NRXN3: variants seen among roughly 807,000 people sequenced by gnomAD.
NRXN3 encodes the protein neurexin III.
NRXN3 carries 32 observed loss-of-function variants against 137.6 expected under a neutral mutation model. The ratio of observed to expected loss-of-function variants is 0.23; its 90% CI spans 0.18 to 0.31. The LOEUF (loss-of-function observed/expected upper bound fraction) is 0.31. Ranked by LOEUF, NRXN3 falls within the 10% of genes least tolerant of loss-of-function variation. The pLI is 1.00. For synonymous variants in NRXN3, 798 were observed against 784.5 expected (o/e 1.02, Z -0.29); for missense variants, 1,574 against 2,062.5 (o/e 0.76, Z 4.59).
intron 6 of NRXN3, chr14:78,703,626 A>G (rs1003073265): frequency 2.6e-5 from 4 of 152,172 alleles, no homozygotes; most frequent in African/African-American, 9.7e-5. Context: ...ACAGTTGAAA[A>G]GCTTTATTGA....
chr14:79,518,195 G>A (rs1755368986), intron 16 of NRXN3, among the ~76,000 whole-genome samples: 1 of 151,816 alleles, frequency 6.6e-6, no homozygotes, highest in Admixed American at 6.6e-5. Flanking sequence ...GTGAGCCACG[G>A]CACCCAGCCC....
chr14:79,268,561 C>G (rs1003603793), intron 15 of NRXN3, among the ~76,000 whole-genome samples: 2 of 152,154 alleles, frequency 1.3e-5, no homozygotes, highest in Non-Finnish European at 2.9e-5. Context: ...GGCTCATCAC[C>G]TCATCCACAT....
intron 18 of NRXN3, among the ~76,000 whole-genome samples, chr14:79,695,438 G>C (rs1156995999): frequency 6.6e-6 from 1 of 151,894 alleles, no homozygotes; most frequent in Non-Finnish European, 1.5e-5. Flanking sequence ...CAGCAGTTGT[G>C]TGCATGGAAA....
intron 15 of NRXN3, among the ~76,000 whole-genome samples, chr14:79,101,369 A>G (rs1290617212): frequency 6.6e-6 from 1 of 152,162 alleles, no homozygotes; most frequent in African/African-American, 2.4e-5. Flanking sequence ...CACCTTCTGG[A>G]GTGGCAGGAA....
chr14:79,629,529 G>A (rs2098320427), intron 16 of NRXN3, among the ~76,000 whole-genome samples: 1 of 152,084 alleles, frequency 6.6e-6, no homozygotes, highest in Non-Finnish European at 1.5e-5. Flanking sequence ...ACTTTTCAGG[G>A]TATCTGTGAA....
At chr14:79,192,787 T>C (rs2064575832) in intron 15 of NRXN3, among the ~76,000 whole-genome samples, 1 of 149,000 alleles carries the variant, frequency 6.7e-6, no homozygotes, top group African/African-American at 2.5e-5. Context: ...TTTTTTTTTT[T>C]TGAGACAGAG....
Position 78,228,227 on chromosome 14 carries a change from G to T in NRXN3, c.-703-14164G>T, listed in dbSNP as rs1445407950. 3.5e-5 allele frequency among the ~76,000 whole-genome samples: 5 copies of T among 144,646 alleles called. No homozygotes were observed. The Admixed American group carries it at 3.6e-4, about 10-fold the overall frequency. 94.9% of individuals were successfully genotyped at this position (144,646 alleles called of 152,430 possible). The stretch of plus-strand genomic sequence containing the variant: ...GGCTGGAGTGTAATGCGTGATCTCC[G>T]CTCACTGTAACCTCCGCCTCCCAGG... On this transcript the variant is annotated intron_variant, in intron 1 of 20. Coordinates refer to ENST00000335750, the MANE Select transcript of NRXN3 (RefSeq NM_001330195.2).
At chr14:79,581,109 A>G (rs1204120932) in intron 16 of NRXN3, among the ~76,000 whole-genome samples, 1 of 151,984 alleles carries the variant, frequency 6.6e-6, no homozygotes. Context: ...CTTTCAGCAC[A>G]CTGGACGGTG....
intron 4 of NRXN3, among the ~76,000 whole-genome samples, chr14:78,476,813 G>T (rs73316490): frequency 6.6e-6 from 1 of 152,072 alleles, no homozygotes; most frequent in Non-Finnish European, 1.5e-5. Context: ...GTCATTAAGC[G>T]TGTTGATTCA....
At chr14:79,099,710 A>G (rs2050934289) in intron 15 of NRXN3, among the ~76,000 whole-genome samples, 1 of 152,230 alleles carries the variant, frequency 6.6e-6, no homozygotes, top group South Asian at 2.1e-4. Flanking sequence ...AAAACCTCTC[A>G]GATCTTATAG....
At chr14:78,318,354 A>C (rs1025625815) in intron 4 of NRXN3, among the ~76,000 whole-genome samples, 1 of 152,184 alleles carries the variant, frequency 6.6e-6, no homozygotes, top group Non-Finnish European at 1.5e-5. Context: ...AACTGCTCTG[A>C]TGGCATCCTT....
intron 20 of NRXN3, among the ~76,000 whole-genome samples, chr14:79,834,573 T>A (rs939260849): frequency 6.6e-6 from 1 of 152,198 alleles, no homozygotes; most frequent in African/African-American, 2.4e-5. Flanking sequence ...ACGCATCTGT[T>A]CTTGTTTGAT....
intron 10 of NRXN3, among the ~76,000 whole-genome samples, chr14:78,840,938 A>G (rs1286486802): frequency 2.0e-5 from 3 of 152,198 alleles, no homozygotes; most frequent in Non-Finnish European, 1.5e-5. Context: ...AGCAATTCAC[A>G]CACATTACTA....
intron 4 of NRXN3, among the ~76,000 whole-genome samples, chr14:78,456,015 C>T (rs1232453146): frequency 6.6e-6 from 1 of 152,220 alleles, no homozygotes; most frequent in African/African-American, 2.4e-5. Flanking sequence ...CATCAAATGT[C>T]TCCCTGACCA....
At chr14:78,583,429 A>G (rs2097025090) in intron 4 of NRXN3, among the ~76,000 whole-genome samples, 1 of 150,318 alleles carries the variant, frequency 6.7e-6, no homozygotes, top group Non-Finnish European at 1.5e-5. Context: ...CAATCTATCA[A>G]AAAAAAAACA....
At chr14:78,345,224 C>G (rs1038999677) in intron 4 of NRXN3, among the ~76,000 whole-genome samples, 1 of 152,086 alleles carries the variant, frequency 6.6e-6, no homozygotes, top group African/African-American at 2.4e-5. Flanking sequence ...CTGTTCCTTG[C>G]TTTATTAGCT....
At chr14:79,352,709 A>C (rs2093268314) in intron 15 of NRXN3, among the ~76,000 whole-genome samples, 2 of 152,246 alleles carry the variant, frequency 1.3e-5, no homozygotes, top group African/African-American at 4.8e-5. Flanking sequence ...TCTGATGCTA[A>C]CTCTGATCCA....
intron 15 of NRXN3, among the ~76,000 whole-genome samples, chr14:78,994,797 GT>G (rs1042650134): frequency 6.6e-6 from 1 of 152,116 alleles, no homozygotes; most frequent in Non-Finnish European, 1.5e-5. Context: ...ATTAGTGGTA[GT>G]TTTTATTGTA....
chr14:79,778,826 G>T (rs1004543905), intron 19 of NRXN3, among the ~76,000 whole-genome samples: 5 of 152,122 alleles, frequency 3.3e-5, no homozygotes, highest in African/African-American at 1.2e-4. Flanking sequence ...TTTGTTCAGG[G>T]TTTAAAGCTT....
Sources: gnomAD v4.1 joint callset for allele counts (sites outside exome capture counted in the v4.1 genomes callset) on GRCh38, gnomAD v4.1.1 for gene constraint, MANE v1.5 for transcripts, NCBI Gene and HGNC (gene_info 2026-07-23, HGNC 2026-07-21) for gene names.